Variants in CUL5 observed in about 807,000 individuals in gnomAD.
CUL5 encodes the protein cullin-5.
In CUL5, 26 loss-of-function variants were observed where a neutral mutation model predicts 108.8. The observed-to-expected ratio is 0.24, with a 90% CI of 0.18 to 0.33. The LOEUF (loss-of-function observed/expected upper bound fraction) is 0.33, where lower values mean the gene tolerates loss of function less well. Among genes scored for constraint, CUL5 ranks in the 10% least tolerant of loss-of-function variants. The pLI is 1.00. For synonymous variants in CUL5, 334 were observed against 298.0 expected (o/e 1.12, Z -1.25); for missense variants, 524 against 909.2 (o/e 0.58, Z 5.45).
intron 11 of CUL5, among the ~76,000 whole-genome samples, chr11:108,079,741 G>A (rs1380657715): frequency 2.6e-5 from 4 of 151,934 alleles, no homozygotes; most frequent in Non-Finnish European, 5.9e-5. Flanking sequence ...ATTCCCAGTC[G>A]GTCCCACCCC....
At chr11:108,062,595 A>G (rs1481285258) in intron 7 of CUL5, among the ~76,000 whole-genome samples, 1 of 150,568 alleles carries the variant, frequency 6.6e-6, no homozygotes, top group Non-Finnish European at 1.5e-5. Context: ...TATTTTGTGC[A>G]TACATACATG....
At chr11:108,067,798 A>G (rs781230486) in intron 7 of CUL5, among the ~76,000 whole-genome samples, 1 of 152,176 alleles carries the variant, frequency 6.6e-6, no homozygotes, top group African/African-American at 2.4e-5. Flanking sequence ...CTTAAGGTGG[A>G]AGTGTTTAGT....
chr11:108,011,222 C>T (rs1398269308), intron 1 of CUL5, among the ~76,000 whole-genome samples: 2 of 152,176 alleles, frequency 1.3e-5, no homozygotes, highest in African/African-American at 2.4e-5. Flanking sequence ...ACTTACAAAA[C>T]CTCACAAAGG....
chr11:108,034,828 A>G (rs1350824409), intron 2 of CUL5, among the ~76,000 whole-genome samples: 1 of 152,224 alleles, frequency 6.6e-6, no homozygotes, highest in Non-Finnish European at 1.5e-5. Flanking sequence ...AGTCTTTTTC[A>G]CTAAAAAACA....
chr11:108,043,267 T>G (rs1449471947), intron 2 of CUL5, among the ~76,000 whole-genome samples: 1 of 152,168 alleles, frequency 6.6e-6, no homozygotes, highest in Non-Finnish European at 1.5e-5. Context: ...ATAGATGTGG[T>G]CTTGCCATGT....
At chr11:108,099,584 A>C (rs1270089992) in intron 18 of CUL5, among the ~76,000 whole-genome samples, 5 of 152,160 alleles carry the variant, frequency 3.3e-5, no homozygotes, top group Non-Finnish European at 1.5e-5. Flanking sequence ...TTGTTGCTAA[A>C]ATTTTTAGTT....
In CUL5 at chr11:108,070,131, A is replaced by G; in HGVS notation, c.816A>G (p.Ser272=). The G allele has an allele frequency of 6.2e-7, 1 of 1,612,176 alleles. No homozygotes were observed. The highest frequency in any genetic ancestry group is 8.5e-7 in the Non-Finnish European group (1 of 1,178,788). The change falls in exon 8 of 19, where the codon TCA becomes TCG. Residue 272 remains serine, a synonymous_variant. Transcript: ENST00000393094. ...MECCVNALVT[S]FKETILAECQ... is the part of the protein sequence containing the mutation. ...GCTGTGTAAATGCCCTGGTGACATC[A>G]TTTAAAGAGACTATCTTAGCTGAGT...
At chr11:108,023,544 GA>G (rs71047666) in intron 1 of CUL5, among the ~76,000 whole-genome samples, 1 of 151,430 alleles carries the variant, frequency 6.6e-6, no homozygotes, top group Non-Finnish European at 1.5e-5. Flanking sequence ...TTTGAAAAAA[GA>G]AAAAAAACAA....
intron 7 of CUL5, among the ~76,000 whole-genome samples, chr11:108,063,286 G>A (rs576830104): frequency 5.9e-5 from 9 of 152,274 alleles, no homozygotes; most frequent in African/African-American, 1.4e-4. Flanking sequence ...CCACAAATGA[G>A]TGAGATCGTG....
intron 10 of CUL5, among the ~76,000 whole-genome samples, chr11:108,074,384 G>A (rs931718230): frequency 4.0e-5 from 6 of 151,334 alleles, no homozygotes; most frequent in South Asian, 4.2e-4. Context: ...TACTACAGAC[G>A]GGGTTTCACT....
chr11:108,021,654 ATATTT>A (rs1479735663), intron 1 of CUL5, among the ~76,000 whole-genome samples: 3 of 151,782 alleles, frequency 2.0e-5, no homozygotes, highest in Non-Finnish European at 4.4e-5. Context: ...CACCCAGTTA[ATATTT>A]TATTTTATTT....
intron 7 of CUL5, among the ~76,000 whole-genome samples, chr11:108,063,854 A>T (rs1863609988): frequency 6.6e-6 from 1 of 152,004 alleles, no homozygotes; most frequent in South Asian, 2.1e-4. Context: ...TCCCACCATC[A>T]TTATACGAGG....
Position 108,095,700 on chromosome 11 carries a change from A to T in CUL5, c.1905+9A>T, listed in dbSNP as rs1864472800. 1 of 1,605,994 alleles carries T rather than the reference A, an allele frequency of 6.2e-7. No homozygotes were observed. The highest frequency in any genetic ancestry group is 1.1e-5 in the South Asian group (1 of 89,444). ...TTAGGAGGACTTTATGGGTTGGTTTATGTTTTTTTGTTTTTAAGACTGTAT... is the reference window on the plus strand; with the variant it reads ...TTAGGAGGACTTTATGGGTTGGTTTTTGTTTTTTTGTTTTTAAGACTGTAT... On this transcript the variant is annotated intron_variant, in intron 16 of 18. Coordinates refer to ENST00000393094, the MANE Select transcript of CUL5 (RefSeq NM_003478.6).
At chr11:108,014,680 T>C (rs1862136692) in intron 1 of CUL5, among the ~76,000 whole-genome samples, 1 of 152,172 alleles carries the variant, frequency 6.6e-6, no homozygotes, top group Non-Finnish European at 1.5e-5. Context: ...GGAAATACAT[T>C]TATTCATTGA....
chr11:108,045,255 A>G (rs1863037640), intron 2 of CUL5, among the ~76,000 whole-genome samples: 1 of 152,112 alleles, frequency 6.6e-6, no homozygotes, highest in Non-Finnish European at 1.5e-5. Flanking sequence ...TAAATGGGTA[A>G]TATATGGGGA....
At chr11:108,086,076 A>T (rs115768369) in intron 11 of CUL5, among the ~76,000 whole-genome samples, 1,610 of 152,316 alleles carry the variant, frequency 0.011, 27 homozygotes, top group African/African-American at 0.037. Context: ...AACCATATAT[A>T]ATTGGAGTCA....
At position 108,054,750 on chromosome 11, in the gene CUL5, C is replaced by G. The variant is rs531278262; in HGVS notation, c.657C>G (p.Pro219=). Residue 219 remains proline, a synonymous_variant, in exon 6 of 19, where the codon CCC becomes CCG. Transcript: ENST00000393094. ...STERFYRTQA[P]SYLQQNGVQN... ...AGAGATTTTATAGAACACAAGCACC[C>G]TCGTATTTACAACAAAATGGTGTAC... The G allele has an allele frequency of 1.8e-5, 29 of 1,611,128 alleles. No homozygotes were observed. The highest frequency in any genetic ancestry group is 2.4e-5 in the Non-Finnish European group (28 of 1,178,146).
intron 1 of CUL5, among the ~76,000 whole-genome samples, chr11:108,016,495 C>T (rs115999691): frequency 0.024 from 3,717 of 152,300 alleles, 160 homozygotes; most frequent in African/African-American, 0.082. Flanking sequence ...CTCAAGCAAT[C>T]TGCCCTGTCC....
intron 11 of CUL5, among the ~76,000 whole-genome samples, chr11:108,079,682 T>C (rs959973831): frequency 6.6e-6 from 1 of 152,200 alleles, no homozygotes; most frequent in African/African-American, 2.4e-5. Context: ...CCTATACCCC[T>C]ATTAACATGT....
Sources: gnomAD v4.1 joint callset for allele counts (sites outside exome capture counted in the v4.1 genomes callset) on GRCh38, gnomAD v4.1.1 for gene constraint, MANE v1.5 for transcripts, NCBI Gene and HGNC (gene_info 2026-07-23, HGNC 2026-07-21) for gene names.